TSPOAP1: variants seen among roughly 807,000 people sequenced by gnomAD.
TSPOAP1 encodes the protein TSPO associated protein 1.
A neutral mutation model predicts 197.0 loss-of-function variants in TSPOAP1; 87 were observed. That is an observed-to-expected ratio of 0.44 (90% CI 0.37 to 0.53). TSPOAP1 has a LOEUF of 0.53. Ranked by LOEUF, TSPOAP1 falls within the 20% of genes least tolerant of loss-of-function variation. The pLI is 0.00. For synonymous variants in TSPOAP1, 913 were observed against 998.9 expected, an observed-to-expected ratio of 0.91 and a Z score of 1.62; for missense variants, 2,174 against 2,411.3, an observed-to-expected ratio of 0.90 and a Z score of 2.06.
At chr17:58,323,419 G>T (rs762620525) in intron 6 of TSPOAP1, 38 bp from the exon 7 acceptor site, 83 of 1,614,108 alleles carry the variant, frequency 5.1e-5, no homozygotes, top group Non-Finnish European at 6.5e-5. Flanking sequence ...ATGAGGGAAG[G>T]TACATCTGCC....
chr17:58,308,106 A>C (rs924119290), intron 22 of TSPOAP1, among the ~76,000 whole-genome samples, 165 bp from the exon 23 acceptor site: 2 of 151,918 alleles, frequency 1.3e-5, no homozygotes, highest in Admixed American at 1.3e-4. Context: ...AGACACCCCC[A>C]CAGTGGGAGG....
Position 58,305,440 on chromosome 17 carries a change from C to A in TSPOAP1, c.5380G>T (p.Ala1794Ser), listed in dbSNP as rs772134690. Reference protein sequence around the residue: ...MDVEAELPFRAGDVITVFGGM... With the variant: ...MDVEAELPFRSGDVITVFGGM... ...CCAAACACAGTAATGACATCCCCTG[C>A]CCGGAAGGGCAGCTCTGCCTGTGGA... is the stretch of plus-strand genomic sequence containing the variant. Residue 1794 changes from alanine to serine, a missense_variant, in exon 29 of 32, where the codon GCA becomes TCA. Around this residue, in one of 5 missense-constraint regions of TSPOAP1, gnomAD observed 161 missense variants for 159.1 expected, o/e 1.01. Transcript: ENST00000343736. 3 of 1,613,858 alleles carry A rather than the reference C, an allele frequency of 1.9e-6. No homozygotes were observed. The African/African-American group carries it at 4.0e-5, about 22-fold the overall frequency.
At chr17:58,310,809 C>T (rs1326439946) in intron 19 of TSPOAP1, 27 bp downstream of exon 19, 16 of 1,581,154 alleles carry the variant, frequency 1.0e-5, no homozygotes, top group Non-Finnish European at 1.2e-5. Flanking sequence ...CAGCCTGCAC[C>T]TGCTCCCCTC....
intron 7 of TSPOAP1, 64 bp from the exon 8 acceptor site, chr17:58,323,103 G>C: frequency 6.4e-7 from 1 of 1,551,928 alleles, no homozygotes. Flanking sequence ...TCCCCACACA[G>C]AGGACCCTGC....
rs1450226243 is a variant in TSPOAP1, at chr17:58,326,359, C to G, written c.504G>C (p.Glu168Asp). The G allele has an allele frequency of 1.2e-6, 2 of 1,614,128 alleles. No individual in the cohort carries two copies. The highest frequency in any genetic ancestry group is 1.7e-6 in the Non-Finnish European group (2 of 1,180,036). ...CCAGGCGCTTGGCAATGACCGCCAG[C>G]TCGGCGTTCTTCCTCTTCAGCCTCC... Reference protein sequence around the residue: ...KVRRLKRKNAELAVIAKRLEE... With the variant: ...KVRRLKRKNADLAVIAKRLEE... The change falls in exon 3 of 32, where the codon GAG (glutamate) becomes GAC (aspartate). Residue 168 changes from glutamate to aspartate, a missense_variant. By Grantham distance (45) the Glu-to-Asp change is conservative (BLOSUM62 2). This residue lies in a region of TSPOAP1 where 1,933 missense variants were observed against 2,139.0 expected (regional missense o/e 0.90). Transcript: ENST00000343736. This position sits in a 1 kb window ranked among gnomAD's most constrained non-coding sequence, Gnocchi z 4.7.
chr17:58,311,347 GCATGGCCTATCT>G (rs1260922606), intron 18 of TSPOAP1, 134 bp from the exon 19 acceptor site: 20 of 1,340,834 alleles, frequency 1.5e-5, no homozygotes, highest in Non-Finnish European at 3.0e-6. Flanking sequence ...TAAGCCCTCT[GCATGGCCTATCT>G]CATTTCATCC....
chr17:58,306,398 A>C lies in TSPOAP1; in HGVS notation c.5168T>G (p.Val1723Gly). The C allele has an allele frequency of 1.3e-6, 2 of 1,555,346 alleles. No individual in the cohort carries two copies. Among genetic ancestry groups the C allele is most frequent in the Non-Finnish European group, 1.7e-6 (2 of 1,148,782 alleles). The change falls in exon 26 of 32, where the codon GTG (valine) becomes GGG (glycine). Residue 1723 changes from valine (V) to glycine (G), a missense_variant. Around this residue, in one of 5 missense-constraint regions of TSPOAP1, gnomAD observed 161 missense variants for 159.1 expected, o/e 1.01. Transcript: ENST00000343736. ...CCCAGTTGTGTGGGCTGTGGAGTACACAAACGGACCATTCCCTGATCCAGA... is the reference window on the plus strand; with the variant it reads ...CCCAGTTGTGTGGGCTGTGGAGTACCCAAACGGACCATTCCCTGATCCAGA... ...LLEGSGNGPF[V>G]YSTAHTTGPP...
At chr17:58,308,020 T>A in intron 22 of TSPOAP1, 79 bp from the exon 23 acceptor site, 1 of 1,380,908 alleles carries the variant, frequency 7.2e-7, no homozygotes, top group Non-Finnish European at 9.9e-7. Flanking sequence ...CTCTGCCCCA[T>A]CAGCGTAAGC....
Position 58,320,477 on chromosome 17 carries a change from C to T in TSPOAP1, c.1473+54G>A, listed in dbSNP as rs560307190. 1.0e-5 allele frequency: 15 copies of T among 1,462,100 alleles called. No homozygotes were observed. The African/African-American group carries it at 1.7e-4, about 17-fold the overall frequency. 90.6% of individuals were successfully genotyped at this position (1,462,100 alleles called of 1,614,324 possible). ...GTCCATTTCAGCTCTATCTGGAGGA[C>T]CCCCGCCTTCCTCCCAAGATGGTGG... is the stretch of plus-strand genomic sequence containing the variant. On this transcript the variant is annotated intron_variant, in intron 11 of 31. Transcript: ENST00000343736.
rs952990970 is a variant in TSPOAP1 at position 58,312,177 on chromosome 17, C to T, written c.2644G>A (p.Gly882Arg). ...ACCCGCAGCTGGCTGGGCACCACTC[C>T]GGCCCGGGCACCCACCGCCAAGCAA... ...RCCLAVGARA[G>R]VVPSQLRVHR... is the part of the protein sequence containing the mutation. The change falls in exon 17 of 32, where the codon GGA (glycine) becomes AGA (arginine). Residue 882 changes from glycine (G) to arginine (R), a missense_variant. Gly to Arg is a moderately radical substitution (Grantham distance 125). Transcript: ENST00000343736. 1.1e-5 allele frequency: 17 copies of T among 1,612,904 alleles called. No individual in the cohort carries two copies. The highest frequency in any genetic ancestry group is 4.4e-5 in the South Asian group (4 of 91,070).
At position 58,322,996 on chromosome 17, in the gene TSPOAP1, A is replaced by G. The variant is rs768984294; in HGVS notation, c.1148T>C (p.Val383Ala). ...CCCACTGAGCCGGGAGTTCTCCTCCACCAGGCGGGCATTCTCATTCTGCGC... is the reference window on the plus strand; with the variant it reads ...CCCACTGAGCCGGGAGTTCTCCTCCGCCAGGCGGGCATTCTCATTCTGCGC... ...RQAQNENARLVEENSRLSGRA... is the reference protein window; with the variant it reads ...RQAQNENARLAEENSRLSGRA... Residue 383 changes from valine (V) to alanine (A), a missense_variant, in exon 8 of 32, where the codon GTG becomes GCG. Transcript: ENST00000343736. This position sits in a 1 kb window ranked among gnomAD's most constrained non-coding sequence, Gnocchi z 5.0. 2 of 1,611,698 alleles carry G rather than the reference A, an allele frequency of 1.2e-6. No individual in the cohort carries two copies. The highest frequency in any genetic ancestry group is 1.7e-5 in the Admixed American group (1 of 59,566).
chr17:58,305,700 T>C (rs1970863059), intron 27 of TSPOAP1, 57 bp from the exon 28 acceptor site: 1 of 1,380,284 alleles, frequency 7.2e-7, no homozygotes, highest in Admixed American at 1.9e-5. Context: ...CACCCCATCC[T>C]GTCTTCTGCC....
At chr17:58,311,821 G>A in intron 17 of TSPOAP1, 71 bp downstream of exon 17, 1 of 1,487,086 alleles carries the variant, frequency 6.7e-7, no homozygotes, top group Non-Finnish European at 8.9e-7. Flanking sequence ...ATAAGATCAG[G>A]GTCCCCTTCT....
At chr17:58,314,598 A>G (rs1052078212) in intron 16 of TSPOAP1, among the ~76,000 whole-genome samples, 15 of 152,254 alleles carry the variant, frequency 9.9e-5, no homozygotes, top group Non-Finnish European at 2.1e-4. Context: ...TAGAGCCCCC[A>G]AGGGGATGCA....
At chr17:58,315,938 TGG>T in intron 16 of TSPOAP1, 83 bp downstream of exon 16, 3 of 1,005,416 alleles carry the variant, frequency 3.0e-6, no homozygotes, top group Non-Finnish European at 4.7e-6. Context: ...GATGAATGGA[TGG>T]ATGGATGGAT....
In TSPOAP1 at chr17:58,322,712, G is replaced by C. The variant is rs776443014; in HGVS notation, c.1259C>G (p.Ala420Gly). 1 of 1,612,530 alleles carries C rather than the reference G, an allele frequency of 6.2e-7. No individual in the cohort carries two copies. The highest frequency in any genetic ancestry group is 2.2e-5 in the East Asian group (1 of 44,864). The change falls in exon 9 of 32, where the codon GCC becomes GGC. Residue 420 changes from alanine to glycine, a missense_variant. Physicochemically the swap from Ala to Gly is moderately conservative, Grantham distance 60. Around this residue, in one of 5 missense-constraint regions of TSPOAP1, gnomAD observed 1,933 missense variants for 2,139.0 expected, o/e 0.90. Transcript: ENST00000343736. The surrounding 1 kb of genome is among the most constrained non-coding windows in gnomAD (Gnocchi z 5.0). Reference protein sequence around the residue: ...LLGVTQERDSALRKSQGLQSK... With the variant: ...LLGVTQERDSGLRKSQGLQSK... The stretch of plus-strand genomic sequence containing the variant: ...CTGCAGGCCCTGGCTCTTGCGAAGG[G>C]CTGAGTCCCTCTCCTGTGTCACCCC...
chr17:58,304,366 C>T lies in TSPOAP1; in HGVS notation c.*4G>A. On this transcript the variant is annotated 3_prime_UTR_variant, in exon 31 of 32. Transcript: ENST00000343736. The surrounding 1 kb of genome is among the most constrained non-coding windows in gnomAD (Gnocchi z 4.2). The stretch of plus-strand genomic sequence containing the variant: ...TTGCTCTCTCTACATATATCTATCT[C>T]CATCTAGCACTGGACTCTTCTCCTC... 6.2e-7 allele frequency: 1 copy of T among 1,613,956 alleles called. No individual in the cohort carries two copies. Among genetic ancestry groups the T allele is most frequent in the Non-Finnish European group, 8.5e-7 (1 of 1,179,828 alleles).
chr17:58,322,471 T>G lies in TSPOAP1; in HGVS notation c.1318-59A>C. The G allele has an allele frequency of 6.3e-7, 1 of 1,583,066 alleles. No individual in the cohort carries two copies. The highest frequency in any genetic ancestry group is 8.6e-7 in the Non-Finnish European group (1 of 1,167,350). On this transcript the variant is annotated intron_variant, in intron 9 of 31. Transcript: ENST00000343736. The surrounding 1 kb of genome is among the most constrained non-coding windows in gnomAD (Gnocchi z 5.0). ...CCTACTTGGCCATTTCTAGAGAAGA[T>G]CTAAGATGAGGAAGCCTCAAACACC... is the stretch of plus-strand genomic sequence containing the variant.
Position 58,318,541 on chromosome 17 carries a change from G to C in TSPOAP1, c.1700-89C>G. ...GGTGCTTCTTGGATATGGGGACCAG[G>C]CCCTCCATAGCCGGGCTTCCTTACA... is the stretch of plus-strand genomic sequence containing the variant. On this transcript the variant is annotated intron_variant, in intron 13 of 31. Transcript: ENST00000343736. 2.3e-6 allele frequency: 3 copies of C among 1,283,172 alleles called. No individual in the cohort carries two copies. The South Asian group carries it at 4.4e-5, about 19-fold the overall frequency. The allele number at this position is 1,283,172 out of a possible 1,614,324, so 79.5% of individuals were successfully genotyped here. A position where few individuals can be genotyped will look rare whatever the true frequency, so the allele number is the denominator to read the frequency against.
Sources: gnomAD v4.1 joint callset for allele counts (sites outside exome capture counted in the v4.1 genomes callset) on GRCh38, gnomAD v4.1.1 for gene constraint, gnomAD v4.1.1 regional missense constraint, Gnocchi (gnomAD v3.1) non-coding constraint, MANE v1.5 for transcripts, NCBI Gene and HGNC (gene_info 2026-07-23, HGNC 2026-07-21) for gene names.